The following VSIG10 variants were observed in gnomAD, a reference collection of about 807,000 sequenced individuals.
The protein encoded by VSIG10 is V-set and immunoglobulin domain-containing protein 10.
VSIG10 carries 48 observed loss-of-function variants against 58.7 expected under a neutral mutation model. That is an observed-to-expected ratio of 0.82 (90% CI 0.65 to 1.04). The LOEUF (loss-of-function observed/expected upper bound fraction) is 1.04, where lower values mean the gene tolerates loss of function less well. VSIG10 is among the 50% of genes least tolerant of loss of function. The pLI is 0.00. For synonymous variants in VSIG10, 260 were observed against 267.1 expected, an observed-to-expected ratio of 0.97 and a Z score of 0.26; for missense variants, 628 against 670.0, an observed-to-expected ratio of 0.94 and a Z score of 0.69.
intron 1 of VSIG10, among the ~76,000 whole-genome samples, chr12:118,097,670 C>T (rs960277266): frequency 3.3e-5 from 5 of 151,628 alleles, no homozygotes; most frequent in Non-Finnish European, 7.4e-5. Context: ...CGCCTGTAAT[C>T]CCAGCACTTT....
chr12:118,103,959 A>C lies in VSIG10; in HGVS notation c.-288T>G. The C allele has an allele frequency of 2.9e-5, 9 of 312,734 alleles. No individual in the cohort carries two copies. Among genetic ancestry groups the C allele is most frequent in the East Asian group, 5.2e-5 (1 of 19,364 alleles). 19.4% of individuals were successfully genotyped at this position (312,734 alleles called of 1,614,324 possible). On this transcript the variant is annotated 5_prime_UTR_variant, in exon 1 of 9. Coordinates refer to ENST00000359236, the MANE Select transcript of VSIG10 (RefSeq NM_019086.6). ...AGCCTACTCCTGCCGGCGGAAAACA[A>C]CAGGAGCGGGATCCCTCCCGCCTCC...
intron 7 of VSIG10, among the ~76,000 whole-genome samples, chr12:118,069,239 G>A (rs369818243): frequency 4.0e-5 from 6 of 151,820 alleles, no homozygotes; most frequent in Admixed American, 6.6e-5. Flanking sequence ...ACAGGCATGC[G>A]CCACCACATC....
intron 1 of VSIG10, among the ~76,000 whole-genome samples, chr12:118,097,650 C>T (rs1021984141): frequency 6.6e-6 from 1 of 151,092 alleles, no homozygotes; most frequent in African/African-American, 2.4e-5. Context: ...AAACAAAAGG[C>T]CGGGCTCCAC....
chr12:118,084,575 C>G (rs1017480834), intron 2 of VSIG10, among the ~76,000 whole-genome samples: 5 of 152,052 alleles, frequency 3.3e-5, no homozygotes, highest in African/African-American at 1.2e-4. Context: ...AAGCACCAAT[C>G]TCTGCTACAG....
intron 2 of VSIG10, 49 bp downstream of exon 2, chr12:118,095,484 C>T: frequency 6.2e-7 from 1 of 1,602,086 alleles, no homozygotes; most frequent in Non-Finnish European, 8.5e-7. Flanking sequence ...TCCTCCTTTC[C>T]AAGGCTCCGA....
At position 118,082,223 on chromosome 12, in the gene VSIG10, G is replaced by T. The variant is rs754405924; in HGVS notation, c.568C>A (p.Leu190Met). ...NLTVNFFSLL[L>M]ISPNLQGNYT... ...TTCCCTTGGAGGTTTGGCGATATCA[G>T]TAACAGTGAGAAAAAGTTGACTGTC... is the stretch of plus-strand genomic sequence containing the variant. The change falls in exon 3 of 9, where the codon CTG (leucine) becomes ATG (methionine). Residue 190 changes from leucine (L) to methionine (M), a missense_variant. Leu to Met is a conservative substitution (Grantham distance 15). Transcript: ENST00000359236. 3.1e-6 allele frequency: 5 copies of T among 1,613,818 alleles called. No individual in the cohort carries two copies. The African/African-American group carries it at 6.7e-5, about 22-fold the overall frequency.
intron 4 of VSIG10, among the ~76,000 whole-genome samples, chr12:118,075,251 AC>A (rs2032680585): frequency 6.6e-6 from 1 of 151,506 alleles, no homozygotes; most frequent in African/African-American, 2.4e-5. Context: ...GTTCAGTGCT[AC>A]CCATGGCTTC....
chr12:118,075,196 GTGTGTGTGTGTATATA>G (rs2032677548), intron 4 of VSIG10, among the ~76,000 whole-genome samples: 1 of 145,100 alleles, frequency 6.9e-6, no homozygotes. Flanking sequence ...ATATATATAT[GTGTGTGTGTGTATATA>G]TGTGTGTGTG....
chr12:118,078,138 CA>C (rs1364157463), intron 4 of VSIG10, among the ~76,000 whole-genome samples: 2 of 152,110 alleles, frequency 1.3e-5, no homozygotes, highest in Non-Finnish European at 2.9e-5. Context: ...TAGCTTACTG[CA>C]AAAGTAATTA....
In VSIG10 at chr12:118,073,730, C is replaced by T. The variant is rs2032592877; in HGVS notation, c.1188G>A (p.Val396=). The change falls in exon 5 of 9, where the codon GTG becomes GTA. Residue 396 remains valine, a synonymous_variant. Transcript: ENST00000359236. ...YICRADSPVG[V]REMEIWLSVK... is the part of the protein sequence containing the mutation. ...CACTCAGCCAGATTTCCATCTCCCT[C>T]ACCCCTACAGGGCTGTCAGCTCGGC... 1 of 1,613,284 alleles carries T rather than the reference C, an allele frequency of 6.2e-7. No homozygotes were observed. The highest frequency in any genetic ancestry group is 8.5e-7 in the Non-Finnish European group (1 of 1,179,552).
chr12:118,102,485 C>T (rs1417362071), intron 1 of VSIG10: 1 of 152,080 alleles, frequency 6.6e-6, no homozygotes, highest in Admixed American at 6.6e-5. Flanking sequence ...AAGAGGATGA[C>T]CACTGCCCAA....
chr12:118,099,648 G>A (rs895251046), intron 1 of VSIG10, among the ~76,000 whole-genome samples: 3 of 152,214 alleles, frequency 2.0e-5, no homozygotes, highest in African/African-American at 7.2e-5. Flanking sequence ...AATTAGTGGT[G>A]ATGGCTGTAT....
chr12:118,070,556 AAAAAAAAAG>A (rs1209962995), intron 7 of VSIG10, among the ~76,000 whole-genome samples: 1 of 151,786 alleles, frequency 6.6e-6, no homozygotes, highest in African/African-American at 2.4e-5. Flanking sequence ...TCAAAAAAAA[AAAAAAAAAG>A]AAAAAAGAAA....
At chr12:118,098,930 G>GGT (rs930788137) in intron 1 of VSIG10, among the ~76,000 whole-genome samples, 3 of 150,428 alleles carry the variant, frequency 2.0e-5, no homozygotes, top group African/African-American at 4.9e-5. Context: ...GGGTTGGGGG[G>GGT]GGTCTCACTC....
chr12:118,068,631 TTTC>T (rs1464741853), intron 7 of VSIG10, 34 bp from the exon 8 acceptor site: 1 of 1,494,992 alleles, frequency 6.7e-7, no homozygotes, highest in Admixed American at 2.3e-5. Context: ...ATCAAGAAGA[TTTC>T]TTATTTTTCC....
chr12:118,096,139 G>A (rs1038817747), intron 1 of VSIG10, among the ~76,000 whole-genome samples: 2 of 152,010 alleles, frequency 1.3e-5, no homozygotes, highest in Non-Finnish European at 2.9e-5. Flanking sequence ...ACATTGGCCA[G>A]GCTGGTCTTG....
chr12:118,101,748 A>G (rs2033628589), intron 1 of VSIG10: 1 of 152,172 alleles, frequency 6.6e-6, no homozygotes, highest in African/African-American at 2.4e-5. Context: ...AAAAACTCCC[A>G]ACTTAAAAAA....
Position 118,066,550 on chromosome 12 carries a change from G to C in VSIG10, c.*89C>G. On this transcript the variant is annotated 3_prime_UTR_variant, in exon 9 of 9. Coordinates refer to ENST00000359236, the MANE Select transcript of VSIG10 (RefSeq NM_019086.6). ...GTTAGTGCAAGCCCCCGCCAGGGGT[G>C]CAGGTGGAGTCAAAGCTGAATGAAG... 2.1e-6 allele frequency: 3 copies of C among 1,453,730 alleles called. No individual in the cohort carries two copies. Among genetic ancestry groups the C allele is most frequent in the Non-Finnish European group, 2.9e-6 (3 of 1,034,778 alleles). 90.1% of individuals were successfully genotyped at this position (1,453,730 alleles called of 1,614,324 possible).
At chr12:118,095,491 C>T (rs778877707) in intron 2 of VSIG10, 42 bp downstream of exon 2, 2 of 1,607,336 alleles carry the variant, frequency 1.2e-6, no homozygotes, top group Non-Finnish European at 1.7e-6. Context: ...TTCCAAGGCT[C>T]CGAGCACCTC....
Sources: allele counts gnomAD v4.1 joint callset (sites outside exome capture counted in the v4.1 genomes callset), GRCh38; gene constraint gnomAD v4.1.1; transcripts MANE v1.5; gene names NCBI Gene and HGNC (gene_info 2026-07-23, HGNC 2026-07-21).